ATP8B4: variants seen among roughly 807,000 people sequenced by gnomAD.
ATP8B4 encodes the protein probable phospholipid-transporting ATPase IM.
In ATP8B4, 133 loss-of-function variants were observed where a neutral mutation model predicts 145.6. That is an observed-to-expected ratio of 0.91 (90% CI 0.79 to 1.05). The LOEUF (loss-of-function observed/expected upper bound fraction) is 1.05. Ranked by LOEUF, ATP8B4 falls within the 50% of genes least tolerant of loss-of-function variation. The pLI is 0.00. For synonymous variants in ATP8B4, 507 were observed against 492.9 expected, an observed-to-expected ratio of 1.03 and a Z score of -0.38; for missense variants, 1,458 against 1,425.2, an observed-to-expected ratio of 1.02 and a Z score of -0.37.
At chr15:49,870,558 T>C (rs755689882) in intron 25 of ATP8B4, among the ~76,000 whole-genome samples, 22 of 152,190 alleles carry the variant, frequency 1.4e-4, no homozygotes, top group Non-Finnish European at 2.6e-4. Context: ...GGAAATTTCA[T>C]GGGGTTGTTA....
At chr15:50,001,891 T>A (rs28630064) in intron 8 of ATP8B4, among the ~76,000 whole-genome samples, 13,920 of 152,128 alleles carry the variant, frequency 0.092, 773 homozygotes, top group African/African-American at 0.14. Flanking sequence ...AAACTTTTTT[T>A]AAAAAATCTA....
intron 23 of ATP8B4, chr15:49,896,566 T>A (rs2037420736): frequency 1.3e-5 from 2 of 152,194 alleles, no homozygotes; most frequent in Admixed American, 1.3e-4. Flanking sequence ...AAGGACAATC[T>A]TTTTCTTGTA....
intron 20 of ATP8B4, 51 bp downstream of exon 20, chr15:49,916,883 C>G (rs747742180): frequency 1.1e-5 from 16 of 1,478,842 alleles, no homozygotes; most frequent in Non-Finnish European, 1.3e-5. Flanking sequence ...GATCTTTTTT[C>G]CCTCCCTCCC....
chr15:49,861,346 A>G (rs928147412), intron 27 of ATP8B4, among the ~76,000 whole-genome samples: 16 of 152,072 alleles, frequency 1.1e-4, no homozygotes, highest in African/African-American at 3.6e-4. Context: ...TTTTTCCGGA[A>G]GGAATCTTTT....
chr15:49,893,053 G>A (rs2036999876), intron 23 of ATP8B4, among the ~76,000 whole-genome samples: 1 of 152,210 alleles, frequency 6.6e-6, no homozygotes, highest in Admixed American at 6.5e-5. Context: ...GGAACTGGAT[G>A]AAGTCACACA....
At chr15:50,118,152 T>C (rs1595617578) in intron 1 of ATP8B4, among the ~76,000 whole-genome samples, 1 of 152,100 alleles carries the variant, frequency 6.6e-6, no homozygotes, top group African/African-American at 2.4e-5. Context: ...GATATAGATA[T>C]AAACGATAAA....
chr15:50,071,965 T>G (rs950911614), intron 3 of ATP8B4, among the ~76,000 whole-genome samples: 1 of 152,070 alleles, frequency 6.6e-6, no homozygotes, highest in Non-Finnish European at 1.5e-5. Context: ...ATCACAAGTT[T>G]GCATGACTAG....
chr15:50,171,625 T>C (rs1016194565), intron 1 of ATP8B4, among the ~76,000 whole-genome samples: 11 of 151,702 alleles, frequency 7.3e-5, no homozygotes, highest in African/African-American at 2.7e-4. Context: ...AAACAGACAA[T>C]CTAAGATCAC....
chr15:50,165,970 A>AACACACACACACACAC (rs149302745), intron 1 of ATP8B4, among the ~76,000 whole-genome samples: 8 of 146,988 alleles, frequency 5.4e-5, no homozygotes, highest in Admixed American at 6.8e-5. Flanking sequence ...AATCCCAGAG[A>AACACACACACACACAC]ACACACACAC....
chr15:49,945,476 A>T (rs1316605705), intron 14 of ATP8B4, among the ~76,000 whole-genome samples: 1 of 152,184 alleles, frequency 6.6e-6, no homozygotes, highest in African/African-American at 2.4e-5. Context: ...TTCCAAAAAA[A>T]TTGATCAAGA....
At chr15:49,942,574 T>A (rs1230492629) in intron 14 of ATP8B4, among the ~76,000 whole-genome samples, 2 of 151,730 alleles carry the variant, frequency 1.3e-5, no homozygotes, top group African/African-American at 4.8e-5. Flanking sequence ...TCTCCCCACA[T>A]CCTAGTGATT....
chr15:49,872,787 TGG>T (rs2033855155), intron 25 of ATP8B4, among the ~76,000 whole-genome samples: 1 of 84,924 alleles, frequency 1.2e-5, no homozygotes, highest in African/African-American at 4.6e-5. Flanking sequence ...TGTGGGATCC[TGG>T]ATTGGATCCT....
chr15:50,149,196 C>T (rs1488238374), intron 1 of ATP8B4, among the ~76,000 whole-genome samples: 1 of 152,146 alleles, frequency 6.6e-6, no homozygotes, highest in Admixed American at 6.5e-5. Context: ...TAAGATAATG[C>T]CATGATTGAT....
At chr15:49,895,398 T>C (rs529423120) in intron 23 of ATP8B4, 5 of 152,346 alleles carry the variant, frequency 3.3e-5, no homozygotes, top group African/African-American at 1.2e-4. Flanking sequence ...TGAGAACCAC[T>C]GGTCCAACCC....
intron 1 of ATP8B4, among the ~76,000 whole-genome samples, chr15:50,168,373 G>T (rs1423338033): frequency 3.3e-5 from 5 of 152,150 alleles, no homozygotes; most frequent in African/African-American, 1.2e-4. Flanking sequence ...AACTGCAGAA[G>T]TGGGAAAGGT....
intron 2 of ATP8B4, among the ~76,000 whole-genome samples, chr15:50,076,588 G>A (rs1400524694): frequency 6.6e-6 from 1 of 152,152 alleles, no homozygotes; most frequent in African/African-American, 2.4e-5. Context: ...TCCCAAAGCA[G>A]CCAAGTAGTT....
chr15:50,003,459 CT>C (rs1179991693), intron 7 of ATP8B4, among the ~76,000 whole-genome samples: 1 of 152,104 alleles, frequency 6.6e-6, no homozygotes, highest in Non-Finnish European at 1.5e-5. Flanking sequence ...AATTCTCTGA[CT>C]TGTCACACTG....
intron 3 of ATP8B4, among the ~76,000 whole-genome samples, chr15:50,049,308 CCTCA>C (rs1301794750): frequency 6.6e-6 from 1 of 152,176 alleles, no homozygotes; most frequent in Non-Finnish European, 1.5e-5. Flanking sequence ...CTTTCACTCT[CCTCA>C]CTCTAGTAAT....
chr15:49,998,226 A>T (rs1316348011), intron 8 of ATP8B4, among the ~76,000 whole-genome samples: 3 of 152,232 alleles, frequency 2.0e-5, no homozygotes, highest in Non-Finnish European at 2.9e-5. Context: ...TGATACTTTT[A>T]AAAAGTATTT....
Sources: allele counts gnomAD v4.1 joint callset (sites outside exome capture counted in the v4.1 genomes callset), GRCh38; gene constraint gnomAD v4.1.1; transcripts MANE v1.5; gene names NCBI Gene and HGNC (gene_info 2026-07-23, HGNC 2026-07-21).